Variants in KIAA1549L observed in about 807,000 individuals in gnomAD.
The protein encoded by KIAA1549L is KIAA1549 like.
A neutral mutation model predicts 160.7 loss-of-function variants in KIAA1549L; 88 were observed. The observed-to-expected ratio is 0.55, with a 90% CI of 0.46 to 0.65. KIAA1549L has a LOEUF of 0.65. Among genes scored for constraint, KIAA1549L ranks in the 30% least tolerant of loss-of-function variants. KIAA1549L has a pLI of 0.00. For synonymous variants in KIAA1549L, 950 were observed against 976.7 expected, an observed-to-expected ratio of 0.97 and a Z score of 0.51; for missense variants, 2,258 against 2,437.5, an observed-to-expected ratio of 0.93 and a Z score of 1.55.
intron 1 of KIAA1549L, among the ~76,000 whole-genome samples, chr11:33,466,786 C>A (rs1852068439): frequency 6.6e-6 from 1 of 152,064 alleles, no homozygotes; most frequent in African/African-American, 2.4e-5. Context: ...TACTATGCAG[C>A]CATAAAAAAG....
At chr11:33,391,256 T>C (rs1463610092) in intron 1 of KIAA1549L, among the ~76,000 whole-genome samples, 1 of 152,236 alleles carries the variant, frequency 6.6e-6, no homozygotes, top group Non-Finnish European at 1.5e-5. Flanking sequence ...GACCTAATTT[T>C]CTTGAATGAG....
intron 1 of KIAA1549L, among the ~76,000 whole-genome samples, chr11:33,490,267 C>T (rs1252560036): frequency 2.0e-5 from 3 of 151,896 alleles, no homozygotes; most frequent in African/African-American, 7.3e-5. Context: ...ATCCAAGGCC[C>T]CAGGCATGAA....
chr11:33,496,965 C>G (rs1852835069), intron 1 of KIAA1549L, among the ~76,000 whole-genome samples: 1 of 152,126 alleles, frequency 6.6e-6, no homozygotes, highest in Non-Finnish European at 1.5e-5. Context: ...TTTCTACCCC[C>G]ACAAACCCTT....
intron 1 of KIAA1549L, among the ~76,000 whole-genome samples, chr11:33,498,429 A>G (rs550678940): frequency 6.6e-6 from 1 of 152,278 alleles, no homozygotes; most frequent in South Asian, 2.1e-4. Flanking sequence ...CCCATTCCAC[A>G]GGGCACAGGG....
chr11:33,530,107 C>A (rs1853704137), intron 1 of KIAA1549L, among the ~76,000 whole-genome samples: 1 of 151,768 alleles, frequency 6.6e-6, no homozygotes, highest in African/African-American at 2.4e-5. Flanking sequence ...TAATATGAAA[C>A]CTTGGGGCCG....
At chr11:33,500,773 A>G (rs1010346700) in intron 1 of KIAA1549L, among the ~76,000 whole-genome samples, 3 of 152,186 alleles carry the variant, frequency 2.0e-5, no homozygotes, top group African/African-American at 4.8e-5. Flanking sequence ...TGTACCCCCA[A>G]AATATATACA....
chr11:33,423,753 T>C (rs1260302070), intron 1 of KIAA1549L, among the ~76,000 whole-genome samples: 1 of 152,124 alleles, frequency 6.6e-6, no homozygotes, highest in Non-Finnish European at 1.5e-5. Flanking sequence ...GAAGGCTGAG[T>C]GCGGTGGCTC....
intron 1 of KIAA1549L, among the ~76,000 whole-genome samples, chr11:33,532,958 A>G (rs576835993): frequency 6.6e-6 from 1 of 152,322 alleles, no homozygotes; most frequent in African/African-American, 2.4e-5. Context: ...TGGCTGGATT[A>G]CAAGAGTAGT....
intron 1 of KIAA1549L, among the ~76,000 whole-genome samples, chr11:33,416,443 T>C (rs1850890916): frequency 6.6e-6 from 1 of 151,758 alleles, no homozygotes; most frequent in Non-Finnish European, 1.5e-5. Context: ...TCCAACCAAC[T>C]TGCAGCTCAA....
rs752807476 is a variant in KIAA1549L at position 33,543,630 on chromosome 11, G to A, written c.2067G>A (p.Lys689=). The A allele has an allele frequency of 1.9e-6, 3 of 1,613,874 alleles. No individual in the cohort carries two copies. Among genetic ancestry groups the A allele is most frequent in the East Asian group, 4.5e-5 (2 of 44,870 alleles). Residue 689 remains lysine (K), a synonymous_variant, in exon 2 of 21, where the codon AAG becomes AAA. Coordinates refer to ENST00000658780, the MANE Select transcript of KIAA1549L (RefSeq NM_012194.3). The part of the protein sequence containing the change: ...YDSLTIGDMK[K]PATTDVFWSS... ...CCTTAACAATAGGAGACATGAAAAA[G>A]CCAGCAACCACAGATGTTTTCTGGA...
chr11:33,435,857 T>G (rs763612147), intron 1 of KIAA1549L, among the ~76,000 whole-genome samples: 12 of 135,206 alleles, frequency 8.9e-5, no homozygotes, highest in Non-Finnish European at 1.1e-4. Context: ...TGTGTGTGTG[T>G]GTGTGTATAA....
chr11:33,386,381 C>T (rs144365851), intron 1 of KIAA1549L, among the ~76,000 whole-genome samples: 11 of 152,118 alleles, frequency 7.2e-5, no homozygotes, highest in Non-Finnish European at 8.8e-5. Flanking sequence ...CAACTTTTTA[C>T]AAACTAAAGA....
chr11:33,529,176 G>T (rs574776596), intron 1 of KIAA1549L, among the ~76,000 whole-genome samples: 1 of 152,024 alleles, frequency 6.6e-6, no homozygotes, highest in East Asian at 1.9e-4. Flanking sequence ...TCTCTACAAA[G>T]AATACAAAAA....
chr11:33,379,091 A>G (rs1055083927), intron 1 of KIAA1549L, among the ~76,000 whole-genome samples: 5 of 152,162 alleles, frequency 3.3e-5, no homozygotes, highest in African/African-American at 1.2e-4. Context: ...CTGAGATCTT[A>G]CTCAAAGTGC....
chr11:33,621,863 C>A (rs903285916), intron 16 of KIAA1549L, among the ~76,000 whole-genome samples: 9 of 152,182 alleles, frequency 5.9e-5, no homozygotes, highest in African/African-American at 1.2e-4. Flanking sequence ...AAATCCGTGG[C>A]AGGAAAGGAG....
intron 1 of KIAA1549L, among the ~76,000 whole-genome samples, chr11:33,465,685 C>T (rs1187247571): frequency 6.6e-6 from 1 of 152,138 alleles, no homozygotes; most frequent in Non-Finnish European, 1.5e-5. Context: ...TCAGAAATAA[C>T]ACCACATATC....
intron 16 of KIAA1549L, among the ~76,000 whole-genome samples, chr11:33,642,848 A>G (rs1022240288): frequency 1.2e-4 from 19 of 152,330 alleles, no homozygotes; most frequent in African/African-American, 1.9e-4. Context: ...ACTTCTATCT[A>G]TCTAACAAGG....
intron 1 of KIAA1549L, among the ~76,000 whole-genome samples, chr11:33,460,584 G>T (rs951773117): frequency 1.3e-5 from 2 of 152,144 alleles, no homozygotes; most frequent in Non-Finnish European, 2.9e-5. Flanking sequence ...ATTATATTTG[G>T]CTTGAGCATC....
chr11:33,488,167 TC>T (rs1852572445), intron 1 of KIAA1549L, among the ~76,000 whole-genome samples: 1 of 152,218 alleles, frequency 6.6e-6, no homozygotes, highest in Non-Finnish European at 1.5e-5. Flanking sequence ...GCTGATTGGC[TC>T]TTGCATTAGT....
Sources: allele counts gnomAD v4.1 joint callset (sites outside exome capture counted in the v4.1 genomes callset), GRCh38; gene constraint gnomAD v4.1.1; transcripts MANE v1.5; gene names NCBI Gene and HGNC (gene_info 2026-07-23, HGNC 2026-07-21).